Variants in IST1 observed in about 807,000 individuals in gnomAD.
IST1 encodes IST1 homolog.
A neutral mutation model predicts 37.0 loss-of-function variants in IST1; 23 were observed. That is an observed-to-expected ratio of 0.62 (90% CI 0.45 to 0.88). IST1 has a LOEUF of 0.88. Among genes scored for constraint, IST1 ranks in the 40% least tolerant of loss-of-function variants. The pLI is 0.00. For synonymous variants in IST1, 180 were observed against 161.7 expected (o/e 1.11, Z -0.86); for missense variants, 488 against 445.4 (o/e 1.10, Z -0.86).
In IST1 at chr16:71,924,806, C is replaced by T. The variant is rs750568972; in HGVS notation, c.890C>T (p.Ala297Val). ...DINADKNISS[A>V]QIVGPGPKPE... The stretch of plus-strand genomic sequence containing the variant: ...AATGCTGATAAGAATATCTCTTCTG[C>T]ACAGATTGTTGGTGAGTAGTATCAA... The change falls in exon 9 of 10, where the codon GCA becomes GTA. Residue 297 changes from alanine to valine, a missense_variant. Ala to Val is a moderately conservative substitution (Grantham distance 64, BLOSUM62 0). Around this residue, in one of 2 missense-constraint regions of IST1, gnomAD observed 455 missense variants for 386.2 expected, o/e 1.18. Coordinates refer to ENST00000378799, the MANE Select transcript of IST1 (RefSeq NM_001270975.2). 1 of 1,607,918 alleles carries T rather than the reference C, an allele frequency of 6.2e-7. No homozygotes were observed. The highest frequency in any genetic ancestry group is 1.7e-5 in the Admixed American group (1 of 60,020).
chr16:71,923,162 A>C, intron 7 of IST1, 126 bp from the exon 8 acceptor site: 1 of 518,724 alleles, frequency 1.9e-6, no homozygotes, highest in Non-Finnish European at 3.4e-6. Context: ...ATTTTTAAGG[A>C]TCTTGAATAT....
chr16:71,924,209 G>T, intron 8 of IST1: 1 of 455,456 alleles, frequency 2.2e-6, no homozygotes, highest in Non-Finnish European at 4.4e-6. Flanking sequence ...TGAGGACTTG[G>T]TTCTTAAGAT....
chr16:71,926,843 G>A (rs961753535), intron 9 of IST1, among the ~76,000 whole-genome samples: 2 of 151,820 alleles, frequency 1.3e-5, no homozygotes, highest in Non-Finnish European at 2.9e-5. Context: ...TGTGTGTGGG[G>A]GCATGATCTT....
At position 71,929,655 on chromosome 16, in the gene IST1, T is replaced by G; in HGVS notation, c.*1842T>G. Reference sequence around the variant, plus strand: ...ACAAATTTGAGAGCTTCTGTAGCAGTGTATCTATTAGTGCAGCTTCTTTCT... The same window carrying G: ...ACAAATTTGAGAGCTTCTGTAGCAGGGTATCTATTAGTGCAGCTTCTTTCT... On this transcript the variant is annotated 3_prime_UTR_variant, in exon 10 of 10. Transcript: ENST00000378799. The G allele has an allele frequency of 6.4e-6, 10 of 1,551,168 alleles. No individual in the cohort carries two copies. The highest frequency in any genetic ancestry group is 7.8e-6 in the Non-Finnish European group (9 of 1,146,672).
intron 1 of IST1, chr16:71,903,182 CA>C (rs1210926228): frequency 1.3e-5 from 2 of 152,084 alleles, no homozygotes; most frequent in African/African-American, 4.8e-5. Context: ...GGTCTTGCTA[CA>C]TTGTCCAAGC....
At chr16:71,905,999 ATTC>A (rs911745767) in intron 1 of IST1, among the ~76,000 whole-genome samples, 1 of 137,400 alleles carries the variant, frequency 7.3e-6, no homozygotes, top group Non-Finnish European at 1.6e-5. Context: ...TTCTTAAGCA[ATTC>A]TTTTTTTTTT....
rs1358261000 is a variant in IST1 at position 71,927,909 on chromosome 16, TA to T, written c.*98del. On this transcript the variant is annotated 3_prime_UTR_variant, in exon 10 of 10. Coordinates refer to ENST00000378799, the MANE Select transcript of IST1 (RefSeq NM_001270975.2). ...CTCCATGAAATTCTGTTTCATCTGT[TA>T]ACCGTCACTCAGCACAACACTCCCT... is the stretch of plus-strand genomic sequence containing the variant. 6 of 873,920 alleles carry T rather than the reference TA, an allele frequency of 6.9e-6. No individual in the cohort carries two copies. Among genetic ancestry groups the T allele is most frequent in the Non-Finnish European group, 1.1e-5 (6 of 535,370 alleles). 54.1% of individuals were successfully genotyped at this position (873,920 alleles called of 1,614,324 possible).
At chr16:71,920,905 CTG>C (rs747605604) in intron 5 of IST1, 83 bp downstream of exon 5, 10 of 955,636 alleles carry the variant, frequency 1.0e-5, no homozygotes, top group Non-Finnish European at 1.2e-5. Context: ...GTGGGTACCA[CTG>C]TATTGCTCAG....
chr16:71,901,279 T>A (rs1320383935), intron 1 of IST1, among the ~76,000 whole-genome samples: 1 of 152,134 alleles, frequency 6.6e-6, no homozygotes, highest in African/African-American at 2.4e-5. Flanking sequence ...AGTAGCACGA[T>A]CTCGGCTCAC....
intron 1 of IST1, among the ~76,000 whole-genome samples, chr16:71,911,067 C>T (rs2037343115): frequency 6.6e-6 from 1 of 151,912 alleles, no homozygotes; most frequent in Non-Finnish European, 1.5e-5. Flanking sequence ...TGGTGAAACC[C>T]CGTCTCTACT....
At chr16:71,909,253 G>A (rs959328970) in intron 1 of IST1, among the ~76,000 whole-genome samples, 7 of 151,810 alleles carry the variant, frequency 4.6e-5, no homozygotes, top group African/African-American at 1.7e-4. Flanking sequence ...GACTACAGGC[G>A]TGCACCCCCA....
intron 4 of IST1, among the ~76,000 whole-genome samples, chr16:71,920,218 G>A (rs918652417): frequency 1.3e-4 from 20 of 152,242 alleles, no homozygotes; most frequent in South Asian, 4.1e-4. Context: ...GGCATAGGCT[G>A]CGAGCTGGGA....
At position 71,930,305 on chromosome 16, in the gene IST1, G is replaced by C. The variant is rs1156804903; in HGVS notation, c.*2492G>C. On this transcript the variant is annotated 3_prime_UTR_variant, in exon 10 of 10. Transcript: ENST00000378799. ...AAAGCTTATCCGAAGGAAACTTAGG[G>C]AGAGAGTCAAAAGATAATAAGAAGG... 9.9e-6 allele frequency: 10 copies of C among 1,013,408 alleles called. No homozygotes were observed. The highest frequency in any genetic ancestry group is 2.4e-4 in the Middle Eastern group (1 of 4,090). The allele number at this position is 1,013,408 out of a possible 1,614,324, so 62.8% of individuals were successfully genotyped here.
chr16:71,912,447 C>T, intron 1 of IST1, among the ~76,000 whole-genome samples: 1 of 152,080 alleles, frequency 6.6e-6, no homozygotes, highest in East Asian at 1.9e-4. Flanking sequence ...CCGTGTTAGC[C>T]AGGATGGTCT....
Position 71,899,831 on chromosome 16 carries a change from G to C in IST1, c.-16+4242G>C, listed in dbSNP as rs544349272. Among the ~76,000 whole-genome samples the C allele has an allele frequency of 2.0e-5, 3 of 151,944 alleles. No homozygotes were observed. The East Asian group carries it at 5.8e-4, about 29-fold the overall frequency. Reference sequence around the variant, plus strand: ...AAGGTCAGGAGATCGAGACCATCCTGGCTAACACGGTGAAACCCTGTCTCT... The same window carrying C: ...AAGGTCAGGAGATCGAGACCATCCTCGCTAACACGGTGAAACCCTGTCTCT... On this transcript the variant is annotated intron_variant, in intron 1 of 9. Coordinates refer to ENST00000378799, the MANE Select transcript of IST1 (RefSeq NM_001270975.2).
chr16:71,902,344 A>C (rs916418193), intron 1 of IST1, among the ~76,000 whole-genome samples: 1 of 151,034 alleles, frequency 6.6e-6, no homozygotes, highest in Non-Finnish European at 1.5e-5. Flanking sequence ...ATCTCGGCTC[A>C]CTGCAACCTC....
In IST1 at chr16:71,929,107, A is replaced by G. The variant is rs1424197457; in HGVS notation, c.*1294A>G. ...TCCATGTAAACCAGCCCTTAGTTTC[A>G]GGATTCCTGGAGCAGTACAGAGCTC... On this transcript the variant is annotated 3_prime_UTR_variant, in exon 10 of 10. Transcript: ENST00000378799. 6.5e-6 allele frequency: 1 copy of G among 154,232 alleles called. No individual in the cohort carries two copies. The highest frequency in any genetic ancestry group is 2.4e-5 in the African/African-American group (1 of 41,484). The allele number at this position is 154,232 out of a possible 1,614,324, so 9.6% of individuals were successfully genotyped here. A position where few individuals can be genotyped will look rare whatever the true frequency, so the allele number is the denominator to read the frequency against.
At chr16:71,914,178 T>C (rs1271863157) in intron 1 of IST1, among the ~76,000 whole-genome samples, 2 of 151,456 alleles carry the variant, frequency 1.3e-5, no homozygotes, top group African/African-American at 2.4e-5. Flanking sequence ...ACCTTTTTTT[T>C]TTTTTTTTGA....
At position 71,928,999 on chromosome 16, in the gene IST1, T is replaced by C. The variant is rs1206913343; in HGVS notation, c.*1186T>C. 1 of 152,760 alleles carries C rather than the reference T, an allele frequency of 6.5e-6. No individual in the cohort carries two copies. 9.5% of individuals were successfully genotyped at this position (152,760 alleles called of 1,614,324 possible). A position where few individuals can be genotyped will look rare whatever the true frequency, so the allele number is the denominator to read the frequency against. ...CAGTAGCTGCTAATAAAGTTAAAGATCCTGTGTCCTGCTTTCTCTACTGTT... is the reference window on the plus strand; with the variant it reads ...CAGTAGCTGCTAATAAAGTTAAAGACCCTGTGTCCTGCTTTCTCTACTGTT... On this transcript the variant is annotated 3_prime_UTR_variant, in exon 10 of 10. Transcript: ENST00000378799.
Sources: gnomAD v4.1 joint callset for allele counts (sites outside exome capture counted in the v4.1 genomes callset) on GRCh38, gnomAD v4.1.1 for gene constraint, gnomAD v4.1.1 regional missense constraint, MANE v1.5 for transcripts, NCBI Gene and HGNC (gene_info 2026-07-23, HGNC 2026-07-21) for gene names.